Variants in KAZN observed in about 807,000 individuals in gnomAD.
KAZN encodes the protein kazrin.
In KAZN, 40 loss-of-function variants were observed where a neutral mutation model predicts 87.4. The ratio of observed to expected loss-of-function variants is 0.46; its 90% CI spans 0.36 to 0.60. The LOEUF (loss-of-function observed/expected upper bound fraction) is 0.60, where lower values mean the gene tolerates loss of function less well. Among genes scored for constraint, KAZN ranks in the 20% least tolerant of loss-of-function variants. KAZN has a pLI of 0.00. For synonymous variants in KAZN, 466 were observed against 458.3 expected (o/e 1.02, Z -0.22); for missense variants, 898 against 1,073.9 (o/e 0.84, Z 2.29).
intron 1 of KAZN, among the ~76,000 whole-genome samples, chr1:14,918,630 T>C (rs1658076160): frequency 7.0e-6 from 1 of 142,098 alleles, no homozygotes; most frequent in Non-Finnish European, 1.5e-5. Context: ...GAGCTGAGAT[T>C]GCGCCACTGA....
chr1:14,421,178 C>A (rs934254891), intron 2 of KAZN, among the ~76,000 whole-genome samples: 8 of 152,214 alleles, frequency 5.3e-5, no homozygotes, highest in African/African-American at 1.9e-4. Flanking sequence ...CAATTTGTAT[C>A]AATGATAAAT....
intron 1 of KAZN, among the ~76,000 whole-genome samples, chr1:14,906,592 ATT>A (rs1039698297): frequency 6.6e-6 from 1 of 151,894 alleles, no homozygotes; most frequent in African/African-American, 2.4e-5. Flanking sequence ...GCACGTTGAT[ATT>A]TTTTCAATAT....
intron 1 of KAZN, among the ~76,000 whole-genome samples, chr1:14,676,121 G>T (rs917835807): frequency 1.3e-5 from 2 of 151,940 alleles, no homozygotes; most frequent in African/African-American, 2.4e-5. Context: ...GTTGTTCCTG[G>T]TTTTTTTTCC....
At chr1:14,174,290 A>G (rs1157377346) in intron 1 of KAZN, among the ~76,000 whole-genome samples, 2 of 152,194 alleles carry the variant, frequency 1.3e-5, no homozygotes, top group African/African-American at 4.8e-5. Flanking sequence ...CAGGGGGTCC[A>G]CACTCAGAAG....
chr1:14,054,265 G>C (rs767583718), intron 1 of KAZN, among the ~76,000 whole-genome samples: 2 of 152,088 alleles, frequency 1.3e-5, no homozygotes, highest in Non-Finnish European at 2.9e-5. Context: ...CATACTTACT[G>C]TTATATTCAT....
At chr1:14,054,734 T>G (rs923145482) in intron 1 of KAZN, among the ~76,000 whole-genome samples, 1 of 152,176 alleles carries the variant, frequency 6.6e-6, no homozygotes, top group Non-Finnish European at 1.5e-5. Flanking sequence ...GTTTGTTCAT[T>G]TGCTTGTTGG....
chr1:14,403,995 A>G (rs1409989470), intron 2 of KAZN, among the ~76,000 whole-genome samples: 4 of 152,236 alleles, frequency 2.6e-5, no homozygotes, highest in Non-Finnish European at 5.9e-5. Flanking sequence ...GGTTTTATAG[A>G]GGAACTTGAG....
At chr1:14,291,945 GCCT>G (rs1265349161) in intron 2 of KAZN, among the ~76,000 whole-genome samples, 1 of 152,124 alleles carries the variant, frequency 6.6e-6, no homozygotes, top group Non-Finnish European at 1.5e-5. Flanking sequence ...GTTTCCTGAG[GCCT>G]CCTCAGTCAT....
chr1:14,840,528 C>A (rs1647837729), intron 1 of KAZN, among the ~76,000 whole-genome samples: 1 of 152,236 alleles, frequency 6.6e-6, no homozygotes, highest in South Asian at 2.1e-4. Flanking sequence ...TGCACACTGC[C>A]TGCTGAAATC....
intron 2 of KAZN, among the ~76,000 whole-genome samples, chr1:14,422,976 G>T (rs1183783450): frequency 1.3e-5 from 2 of 152,228 alleles, no homozygotes; most frequent in Admixed American, 1.3e-4. Context: ...GCAGCCCTTT[G>T]TCCACAGCAA....
At chr1:14,484,480 T>G (rs1669246186) in intron 2 of KAZN, among the ~76,000 whole-genome samples, 2 of 152,238 alleles carry the variant, frequency 1.3e-5, no homozygotes, top group African/African-American at 2.4e-5. Flanking sequence ...ATCAATTTTT[T>G]AAAGACAATA....
chr1:14,399,225 C>T (rs1663173787), intron 2 of KAZN, among the ~76,000 whole-genome samples: 1 of 152,030 alleles, frequency 6.6e-6, no homozygotes, highest in African/African-American at 2.4e-5. Flanking sequence ...CTATGTTGCG[C>T]AGGCTGGTCT....
Position 15,112,488 on chromosome 1 carries a change from A to T in KAZN, c.2110A>T (p.Thr704Ser), listed in dbSNP as rs894776036. The change falls in exon 14 of 15, where the codon ACG becomes TCG. Residue 704 changes from threonine (T) to serine (S), a missense_variant. By Grantham distance (58) the Thr-to-Ser change is moderately conservative (BLOSUM62 1). Coordinates refer to ENST00000376030, the MANE Select transcript of KAZN (RefSeq NM_201628.3). ...GCCCCCTGGCAGGGCCTCCAGCGTC[A>T]CGCGGGCAGGAAAGGAGGAGAACAG... ...GTPPGRASSV[T>S]RAGKEENSSG... is the part of the protein sequence containing the mutation. The T allele has an allele frequency of 6.2e-7, 1 of 1,609,650 alleles. No homozygotes were observed. The highest frequency in any genetic ancestry group is 1.7e-5 in the Admixed American group (1 of 59,412).
At chr1:14,478,596 C>T (rs1338618097) in intron 2 of KAZN, among the ~76,000 whole-genome samples, 2 of 152,222 alleles carry the variant, frequency 1.3e-5, no homozygotes, top group Admixed American at 6.5e-5. Flanking sequence ...CCTTACTCTT[C>T]CTTCACAAGC....
chr1:15,006,676 T>C (rs962347812), intron 2 of KAZN, among the ~76,000 whole-genome samples: 2 of 152,142 alleles, frequency 1.3e-5, no homozygotes, highest in Non-Finnish European at 2.9e-5. Context: ...GTAAAATGTA[T>C]GATCTGGTAG....
intron 2 of KAZN, among the ~76,000 whole-genome samples, chr1:14,334,608 A>C (rs1368676092): frequency 2.0e-5 from 3 of 152,192 alleles, no homozygotes; most frequent in Non-Finnish European, 4.4e-5. Context: ...TTCACCCTGC[A>C]GGAAAAGGGA....
intron 2 of KAZN, among the ~76,000 whole-genome samples, chr1:14,510,327 G>A (rs1285296902): frequency 1.3e-5 from 2 of 151,048 alleles, no homozygotes; most frequent in African/African-American, 2.4e-5. Context: ...GCAGTGAGCC[G>A]AGATGGCGCC....
chr1:14,508,180 G>T (rs1670702758), intron 2 of KAZN, among the ~76,000 whole-genome samples: 1 of 152,120 alleles, frequency 6.6e-6, no homozygotes, highest in Admixed American at 6.5e-5. Context: ...GACATTGGAA[G>T]TGCTACCCCA....
At chr1:14,827,603 A>G (rs1405208310) in intron 1 of KAZN, among the ~76,000 whole-genome samples, 1 of 152,160 alleles carries the variant, frequency 6.6e-6, no homozygotes, top group Non-Finnish European at 1.5e-5. Context: ...TGGGTTCAAG[A>G]GGAGGGTTGT....
Sources: gnomAD v4.1 joint callset for allele counts (sites outside exome capture counted in the v4.1 genomes callset) on GRCh38, gnomAD v4.1.1 for gene constraint, MANE v1.5 for transcripts, NCBI Gene and HGNC (gene_info 2026-07-23, HGNC 2026-07-21) for gene names.